The following LDB2 variants were observed in gnomAD, a reference collection of about 807,000 sequenced individuals.
LDB2 encodes the protein LIM domain-binding protein 2.
In LDB2, 12 loss-of-function variants were observed where a neutral mutation model predicts 44.3. That is an observed-to-expected ratio of 0.27 (90% CI 0.17 to 0.44). The LOEUF (loss-of-function observed/expected upper bound fraction) is 0.44, where lower values mean the gene tolerates loss of function less well. Ranked by LOEUF, LDB2 falls within the 20% of genes least tolerant of loss-of-function variation. The pLI, the probability that LDB2 is intolerant of heterozygous loss-of-function variation, is 1.00. For missense variants in LDB2, 344 were observed against 473.5 expected (o/e 0.73, Z 2.54); for synonymous variants, 164 against 174.8 (o/e 0.94, Z 0.49).
At chr4:16,707,704 A>G (rs181540906) in intron 2 of LDB2, among the ~76,000 whole-genome samples, 8 of 152,064 alleles carry the variant, frequency 5.3e-5, no homozygotes, top group Non-Finnish European at 1.0e-4. Flanking sequence ...CAAACATTTA[A>G]AGGTTAGAGA....
chr4:16,779,597 T>C (rs1385582247), intron 1 of LDB2, among the ~76,000 whole-genome samples: 1 of 152,098 alleles, frequency 6.6e-6, no homozygotes, highest in African/African-American at 2.4e-5. Context: ...ATAGGAGACA[T>C]GGCTGCGTCC....
intron 1 of LDB2, among the ~76,000 whole-genome samples, chr4:16,854,324 A>G (rs1788888550): frequency 6.6e-6 from 1 of 152,016 alleles, no homozygotes; most frequent in Non-Finnish European, 1.5e-5. Context: ...CTATTTGTAA[A>G]CAATAAAAAT....
intron 1 of LDB2, among the ~76,000 whole-genome samples, chr4:16,872,770 CAGAGA>C (rs1453483036): frequency 1.3e-5 from 2 of 152,004 alleles, no homozygotes; most frequent in African/African-American, 4.8e-5. Flanking sequence ...AGAAACAAAC[CAGAGA>C]AAAGATTTCA....
intron 1 of LDB2, among the ~76,000 whole-genome samples, chr4:16,829,581 A>G (rs1264540304): frequency 6.6e-6 from 1 of 152,174 alleles, no homozygotes; most frequent in Non-Finnish European, 1.5e-5. Flanking sequence ...TGTGTTATAT[A>G]AAAGTAATTG....
intron 1 of LDB2, among the ~76,000 whole-genome samples, chr4:16,767,954 T>C (rs1769725213): frequency 6.6e-6 from 1 of 152,190 alleles, no homozygotes; most frequent in South Asian, 2.1e-4. Flanking sequence ...GCTTCCATCC[T>C]AGATTCTCTC....
intron 2 of LDB2, among the ~76,000 whole-genome samples, chr4:16,654,978 CA>C (rs1293411286): frequency 6.6e-6 from 1 of 150,974 alleles, no homozygotes; most frequent in African/African-American, 2.4e-5. Context: ...AATACAAAAG[CA>C]GAAAAAAAAA....
At chr4:16,705,385 G>T (rs895477023) in intron 2 of LDB2, among the ~76,000 whole-genome samples, 2 of 152,144 alleles carry the variant, frequency 1.3e-5, no homozygotes, top group African/African-American at 4.8e-5. Context: ...AAGGGAAAGT[G>T]GATAGAAGTG....
intron 5 of LDB2, among the ~76,000 whole-genome samples, chr4:16,570,583 T>A (rs1325840778): frequency 1.4e-5 from 2 of 141,722 alleles, no homozygotes; most frequent in Non-Finnish European, 3.0e-5. Context: ...ATAATTCAAC[T>A]GATGAAAAAT....
At chr4:16,659,338 G>A (rs964914770) in intron 2 of LDB2, among the ~76,000 whole-genome samples, 7 of 152,048 alleles carry the variant, frequency 4.6e-5, no homozygotes, top group Non-Finnish European at 8.8e-5. Flanking sequence ...CCCCGGAGCC[G>A]CTCCATTAAC....
At chr4:16,835,042 G>C (rs1452968614) in intron 1 of LDB2, among the ~76,000 whole-genome samples, 2 of 152,172 alleles carry the variant, frequency 1.3e-5, no homozygotes, top group Non-Finnish European at 2.9e-5. Flanking sequence ...CAGACTGCTT[G>C]ATCCCAGTGG....
At chr4:16,683,030 A>G (rs1748349984) in intron 2 of LDB2, among the ~76,000 whole-genome samples, 1 of 152,226 alleles carries the variant, frequency 6.6e-6, no homozygotes, top group Non-Finnish European at 1.5e-5. Flanking sequence ...GGTAAATTGC[A>G]CTAATGCAGT....
chr4:16,759,799 C>T (rs1268549559), intron 1 of LDB2, among the ~76,000 whole-genome samples: 6 of 152,080 alleles, frequency 3.9e-5, no homozygotes, highest in Non-Finnish European at 8.8e-5. Flanking sequence ...CACACACAAG[C>T]GATTGTCACA....
intron 2 of LDB2, among the ~76,000 whole-genome samples, chr4:16,741,930 A>C (rs931643477): frequency 2.6e-5 from 4 of 152,204 alleles, no homozygotes; most frequent in African/African-American, 9.6e-5. Context: ...GGCTCTTGCT[A>C]TCTTGTTTAA....
chr4:16,616,924 G>T (rs1311621830), intron 2 of LDB2, among the ~76,000 whole-genome samples: 1 of 152,110 alleles, frequency 6.6e-6, no homozygotes, highest in Non-Finnish European at 1.5e-5. Context: ...GCATTCAAAT[G>T]ATTGTTAGTA....
At chr4:16,861,182 T>C (rs1479902155) in intron 1 of LDB2, among the ~76,000 whole-genome samples, 1 of 152,146 alleles carries the variant, frequency 6.6e-6, no homozygotes, top group African/African-American at 2.4e-5. Context: ...ATGAGGAAAG[T>C]CAAGCACAGG....
chr4:16,733,762 C>T (rs531279101), intron 2 of LDB2, among the ~76,000 whole-genome samples: 2 of 152,284 alleles, frequency 1.3e-5, no homozygotes, highest in South Asian at 2.1e-4. Context: ...TCTGATGTGA[C>T]GCCTTTCCCT....
chr4:16,672,614 C>G (rs1312278315), intron 2 of LDB2, among the ~76,000 whole-genome samples: 2 of 152,190 alleles, frequency 1.3e-5, no homozygotes, highest in African/African-American at 4.8e-5. Context: ...AGCTACAGCA[C>G]AAAGGCAGAT....
At chr4:16,691,846 T>C (rs1315257485) in intron 2 of LDB2, among the ~76,000 whole-genome samples, 1 of 152,158 alleles carries the variant, frequency 6.6e-6, no homozygotes, top group African/African-American at 2.4e-5. Flanking sequence ...AGGTTTTCAT[T>C]CCTTCTGTTA....
intron 1 of LDB2, among the ~76,000 whole-genome samples, chr4:16,763,510 C>T (rs1304368541): frequency 6.8e-6 from 1 of 147,110 alleles, no homozygotes; most frequent in Non-Finnish European, 1.5e-5. Flanking sequence ...TATGACAGAA[C>T]AAATGTTTAT....
Sources: allele counts gnomAD v4.1 joint callset (sites outside exome capture counted in the v4.1 genomes callset), GRCh38; gene constraint gnomAD v4.1.1; transcripts MANE v1.5; gene names NCBI Gene and HGNC (gene_info 2026-07-23, HGNC 2026-07-21).